Variants in DGKH observed in about 807,000 individuals in gnomAD.
DGKH encodes the protein DAG kinase eta.
A neutral mutation model predicts 159.3 loss-of-function variants in DGKH; 90 were observed. That is an observed-to-expected ratio of 0.57 (90% confidence interval 0.48 to 0.67). DGKH has a LOEUF of 0.67. Ranked by LOEUF, DGKH falls within the 30% of genes least tolerant of loss-of-function variation. The pLI, the probability that DGKH is intolerant of heterozygous loss-of-function variation, is 0.00. For synonymous variants in DGKH, 536 were observed against 553.8 expected, an observed-to-expected ratio of 0.97 and a Z score of 0.45; for missense variants, 1,181 against 1,506.1, an observed-to-expected ratio of 0.78 and a Z score of 3.57.
intron 2 of DGKH, among the ~76,000 whole-genome samples, chr13:42,128,409 A>G (rs1955215261): frequency 6.6e-6 from 1 of 152,220 alleles, no homozygotes; most frequent in African/African-American, 2.4e-5. Flanking sequence ...CTATAGAAGT[A>G]ATAACCATGT....
At chr13:42,225,165 G>A (rs998176517) in intron 29 of DGKH, 14 of 857,314 alleles carry the variant, frequency 1.6e-5, no homozygotes, top group African/African-American at 7.1e-5. Flanking sequence ...TCAAGAGATC[G>A]GCCTGCCTTG....
At chr13:42,145,050 T>A (rs1955688780) in intron 3 of DGKH, among the ~76,000 whole-genome samples, 1 of 152,220 alleles carries the variant, frequency 6.6e-6, no homozygotes, top group Non-Finnish European at 1.5e-5. Flanking sequence ...GGATTAGCAA[T>A]TTTGATTCCC....
Position 42,229,228 on chromosome 13 carries a change from C to G in DGKH, c.*40C>G. 1 of 1,569,748 alleles carries G rather than the reference C, an allele frequency of 6.4e-7. No individual in the cohort carries two copies. Among genetic ancestry groups the G allele is most frequent in the Admixed American group, 1.8e-5 (1 of 55,154 alleles). On this transcript the variant is annotated 3_prime_UTR_variant, in exon 30 of 30. Coordinates refer to ENST00000337343, the MANE Select transcript of DGKH (RefSeq NM_178009.5). ...TTTCTTGGAAGAGAAGTTATTGCCA[C>G]TTAATACAAAGTCCTTGGAAGCAAG...
At chr13:42,070,046 T>A in intron 1 of DGKH, 1 of 921,504 alleles carries the variant, frequency 1.1e-6, no homozygotes, top group South Asian at 1.3e-5. Context: ...TAAATGTGAC[T>A]GTGAGTTTCA....
intron 1 of DGKH, among the ~76,000 whole-genome samples, chr13:42,089,885 A>G (rs1234286572): frequency 2.0e-5 from 3 of 151,904 alleles, no homozygotes; most frequent in Non-Finnish European, 1.5e-5. Context: ...TACATTTTAA[A>G]TGGTTGAAAT....
At chr13:42,057,038 AT>A (rs2137656735) in intron 1 of DGKH, among the ~76,000 whole-genome samples, 1 of 152,346 alleles carries the variant, frequency 6.6e-6, no homozygotes, top group African/African-American at 2.4e-5. Flanking sequence ...TCCAGCTGAA[AT>A]TTATATTCAT....
intron 3 of DGKH, chr13:42,140,850 A>G (rs1955529375): frequency 6.6e-6 from 1 of 152,088 alleles, no homozygotes; most frequent in African/African-American, 2.4e-5. Context: ...TCATGTAAGT[A>G]TGTGGAATAG....
At position 42,241,364 on chromosome 13, in the gene DGKH, C is replaced by T. The variant is rs1307093921; in HGVS notation, c.*12176C>T. On this transcript the variant is annotated 3_prime_UTR_variant, in exon 30 of 30. Transcript: ENST00000337343. ...TTCAGGTTACTTCAGAGAGGAGTCT[C>T]CTTCCACCCAAAAAAACTAACCAAA... is the stretch of plus-strand genomic sequence containing the variant. The T allele has an allele frequency of 6.6e-6, 1 of 152,158 alleles. No homozygotes were observed. 9.4% of individuals were successfully genotyped at this position (152,158 alleles called of 1,614,324 possible).
chr13:42,068,176 A>G (rs1368368695), intron 1 of DGKH, among the ~76,000 whole-genome samples: 1 of 152,244 alleles, frequency 6.6e-6, no homozygotes, highest in Non-Finnish European at 1.5e-5. Flanking sequence ...GCAACAAACC[A>G]TAGTGCCAAA....
chr13:42,073,898 T>C (rs1202480111), intron 1 of DGKH, among the ~76,000 whole-genome samples: 1 of 152,190 alleles, frequency 6.6e-6, no homozygotes, highest in Non-Finnish European at 1.5e-5. Flanking sequence ...AGGAAAAGGA[T>C]AGCATTCTAG....
rs1211922270 is a variant in DGKH at position 42,125,787 on chromosome 13, A to G, written c.193-1676A>G. 2.6e-5 allele frequency among the ~76,000 whole-genome samples: 4 copies of G among 152,350 alleles called. No homozygotes were observed. The East Asian group carries it at 7.7e-4, about 29-fold the overall frequency. On this transcript the variant is annotated intron_variant, in intron 1 of 29. Coordinates refer to ENST00000337343, the MANE Select transcript of DGKH (RefSeq NM_178009.5). Reference sequence around the variant, plus strand: ...GAAATAGTGTCATGTAAAAGTTGGAAATGAACTGTGGAATCAGACAGACAG... The same window carrying G: ...GAAATAGTGTCATGTAAAAGTTGGAGATGAACTGTGGAATCAGACAGACAG...
At chr13:42,054,690 T>C (rs1276230849) in intron 1 of DGKH, among the ~76,000 whole-genome samples, 2 of 152,218 alleles carry the variant, frequency 1.3e-5, no homozygotes, top group African/African-American at 4.8e-5. Context: ...GTGACTGTAG[T>C]AATAATAAAG....
chr13:42,190,546 T>A, intron 16 of DGKH, 21 bp downstream of exon 16: 1 of 1,559,916 alleles, frequency 6.4e-7, no homozygotes, highest in Non-Finnish European at 8.6e-7. Context: ...TGGGAAAAAA[T>A]TATTTTGGAA....
intron 1 of DGKH, among the ~76,000 whole-genome samples, chr13:42,063,935 G>A (rs983045741): frequency 4.9e-5 from 3 of 61,530 alleles, no homozygotes; most frequent in South Asian, 7.1e-4. Context: ...GCAAAACTCC[G>A]TCTGAAAAAA....
intron 1 of DGKH, among the ~76,000 whole-genome samples, chr13:42,087,474 G>T (rs1954330002): frequency 6.6e-6 from 1 of 152,072 alleles, no homozygotes. Flanking sequence ...AAAGGGGTTA[G>T]AAATGAAAGG....
At chr13:42,135,491 G>GAAAAAAAAAA (rs757279736) in intron 3 of DGKH, among the ~76,000 whole-genome samples, 1 of 69,148 alleles carries the variant, frequency 1.4e-5, no homozygotes, top group Non-Finnish European at 2.7e-5. Context: ...CCCTGTCTCA[G>GAAAAAAAAAA]AAAAAAAAAA....
intron 28 of DGKH, among the ~76,000 whole-genome samples, chr13:42,220,824 C>G (rs1477244479): frequency 6.6e-6 from 1 of 152,142 alleles, no homozygotes; most frequent in Non-Finnish European, 1.5e-5. Context: ...GCAGAAAAGT[C>G]TGTGTAAAAT....
At chr13:42,159,911 C>T in intron 6 of DGKH, 100 bp from the exon 7 acceptor site, 3 of 1,555,180 alleles carry the variant, frequency 1.9e-6, no homozygotes, top group South Asian at 2.3e-5. Context: ...ATGAAACGTA[C>T]TACTGACCCT....
intron 29 of DGKH, among the ~76,000 whole-genome samples, chr13:42,228,754 GT>G (rs1958212659): frequency 6.6e-6 from 1 of 151,898 alleles, no homozygotes; most frequent in Non-Finnish European, 1.5e-5. Context: ...AACTAAATTG[GT>G]TTTGACTTTT....
Sources: allele counts gnomAD v4.1 joint callset (sites outside exome capture counted in the v4.1 genomes callset), GRCh38; gene constraint gnomAD v4.1.1; transcripts MANE v1.5; gene names NCBI Gene and HGNC (gene_info 2026-07-23, HGNC 2026-07-21).